The following SLC35F4 variants were observed in gnomAD, a reference collection of about 807,000 sequenced individuals.
The protein encoded by SLC35F4 is chromosome 14 open reading frame 36.
Under a neutral mutation model 44.2 loss-of-function variants are expected in SLC35F4, and 24 were observed. That is an observed-to-expected ratio of 0.54 (90% confidence interval 0.39 to 0.76). The LOEUF is 0.76. SLC35F4 is among the 30% of genes least tolerant of loss of function. The pLI, the probability that SLC35F4 is intolerant of heterozygous loss-of-function variation, is 0.00. For missense variants in SLC35F4, 562 were observed against 586.1 expected (o/e 0.96, Z 0.42); for synonymous variants, 238 against 223.6 (o/e 1.06, Z -0.57).
chr14:57,577,640 G>T (rs750260455), intron 4 of SLC35F4, among the ~76,000 whole-genome samples: 6 of 151,794 alleles, frequency 4.0e-5, no homozygotes, highest in African/African-American at 7.3e-5. Flanking sequence ...CCCAGCCAGT[G>T]GCACATTCCC....
intron 3 of SLC35F4, among the ~76,000 whole-genome samples, chr14:57,586,095 A>G (rs1458276965): frequency 6.6e-6 from 1 of 152,214 alleles, no homozygotes; most frequent in East Asian, 1.9e-4. Context: ...AGGCTACAGT[A>G]ACCAAAACAG....
Position 57,569,869 on chromosome 14 carries a change from A to G in SLC35F4, c.1045T>C (p.Tyr349His). 1 of 1,612,152 alleles carries G rather than the reference A, an allele frequency of 6.2e-7. No homozygotes were observed. Among genetic ancestry groups the G allele is most frequent in the African/African-American group, 1.3e-5 (1 of 75,036 alleles). Residue 349 changes from tyrosine (Y) to histidine (H), a missense_variant, in exon 6 of 8, where the codon TAT becomes CAT. Tyr to His is a moderately conservative substitution (Grantham distance 83, BLOSUM62 2). Coordinates refer to ENST00000556826, the MANE Select transcript of SLC35F4 (RefSeq NM_001306087.2). Reference sequence around the variant, plus strand: ...GACCAGTGCTCCACCTTGGTGAAATACAAGATGACTGGGGTGAAGGAGATG... The same window carrying G: ...GACCAGTGCTCCACCTTGGTGAAATGCAAGATGACTGGGGTGAAGGAGATG... ...IFISFTPVILYFTKVEHWSSF... is the reference protein window; with the variant it reads ...IFISFTPVILHFTKVEHWSSF...
intron 1 of SLC35F4, among the ~76,000 whole-genome samples, chr14:57,932,229 G>C (rs1889710965): frequency 6.6e-6 from 1 of 152,122 alleles, no homozygotes; most frequent in Non-Finnish European, 1.5e-5. Context: ...GCTTTCCACA[G>C]TTTTTATGAT....
chr14:57,581,649 C>A (rs778451234), intron 3 of SLC35F4, among the ~76,000 whole-genome samples: 1 of 152,274 alleles, frequency 6.6e-6, no homozygotes, highest in Non-Finnish European at 1.5e-5. Context: ...CAGAGTTAGG[C>A]TCTCTTCTCT....
At chr14:57,733,255 A>G (rs925938188) in intron 1 of SLC35F4, among the ~76,000 whole-genome samples, 56 of 152,054 alleles carry the variant, frequency 3.7e-4, no homozygotes, top group African/African-American at 1.2e-3. Flanking sequence ...TTCATAAGTC[A>G]GGACAGAAAT....
chr14:57,960,070 A>G (rs1890311385), intron 1 of SLC35F4, among the ~76,000 whole-genome samples: 1 of 152,220 alleles, frequency 6.6e-6, no homozygotes, highest in South Asian at 2.1e-4. Context: ...GAACTTCTCC[A>G]TGCCTCAGTC....
At chr14:57,965,128 C>T (rs1291390200) in intron 1 of SLC35F4, among the ~76,000 whole-genome samples, 1 of 151,894 alleles carries the variant, frequency 6.6e-6, no homozygotes, top group Non-Finnish European at 1.5e-5. Context: ...AAATTATTAT[C>T]TCACAATAAT....
At chr14:57,607,067 TA>T (rs1220496389) in intron 1 of SLC35F4, among the ~76,000 whole-genome samples, 1 of 152,164 alleles carries the variant, frequency 6.6e-6, no homozygotes, top group Non-Finnish European at 1.5e-5. Context: ...TAAAGAGTGC[TA>T]AATGCCGAGT....
chr14:57,889,931 A>G (rs1888724283), intron 1 of SLC35F4, among the ~76,000 whole-genome samples: 1 of 152,118 alleles, frequency 6.6e-6, no homozygotes, highest in African/African-American at 2.4e-5. Flanking sequence ...AGCAAAACAG[A>G]TAAGTTTTTA....
At chr14:57,641,901 T>C (rs1296786204) in intron 1 of SLC35F4, among the ~76,000 whole-genome samples, 1 of 152,038 alleles carries the variant, frequency 6.6e-6, no homozygotes, top group Non-Finnish European at 1.5e-5. Context: ...GGCTTACAAG[T>C]CTGTTTTCCT....
chr14:57,573,711 T>TA, intron 4 of SLC35F4, among the ~76,000 whole-genome samples: 1 of 152,210 alleles, frequency 6.6e-6, no homozygotes, highest in Middle Eastern at 3.4e-3. Flanking sequence ...TTCAGGGAAA[T>TA]AAAAAAGGCA....
intron 4 of SLC35F4, among the ~76,000 whole-genome samples, chr14:57,574,902 C>G (rs1344494192): frequency 6.6e-6 from 1 of 151,380 alleles, no homozygotes; most frequent in South Asian, 2.2e-4. Flanking sequence ...CTCTGTTCTT[C>G]TCAACAGAAA....
At chr14:57,580,623 T>C (rs755365461) in intron 4 of SLC35F4, 1 of 231,074 alleles carries the variant, frequency 4.3e-6, no homozygotes, top group Non-Finnish European at 8.9e-6. Context: ...AGAACTGAAG[T>C]TGTTGGTGGA....
intron 1 of SLC35F4, among the ~76,000 whole-genome samples, chr14:57,829,802 C>T (rs977761466): frequency 6.6e-6 from 1 of 151,996 alleles, no homozygotes; most frequent in Non-Finnish European, 1.5e-5. Context: ...GATAAAAATT[C>T]CAATATTTCA....
upstream of SLC35F4, among the ~76,000 whole-genome samples, chr14:57,870,528 A>G (rs1282058882): frequency 1.3e-5 from 2 of 152,356 alleles, no homozygotes; most frequent in African/African-American, 4.8e-5. Flanking sequence ...TGTGACTGGC[A>G]TATAGTAAGC....
chr14:57,922,295 C>A (rs1889458361), intron 1 of SLC35F4, among the ~76,000 whole-genome samples: 2 of 152,176 alleles, frequency 1.3e-5, no homozygotes, highest in Non-Finnish European at 2.9e-5. Context: ...TCAGCAGAAT[C>A]CATCTGAGAT....
At chr14:57,808,239 G>A (rs987782281) in intron 1 of SLC35F4, among the ~76,000 whole-genome samples, 19 of 151,742 alleles carry the variant, frequency 1.3e-4, no homozygotes, top group Admixed American at 9.8e-4. Flanking sequence ...ATAATTTTAG[G>A]ATGAGAAAAC....
intron 1 of SLC35F4, among the ~76,000 whole-genome samples, chr14:57,624,043 T>C (rs2072341843): frequency 1.3e-5 from 2 of 152,126 alleles, no homozygotes; most frequent in South Asian, 2.1e-4. Context: ...ACAAAATTGA[T>C]GGACACTGTC....
chr14:57,758,470 G>T (rs533691520), intron 1 of SLC35F4, among the ~76,000 whole-genome samples: 3 of 151,886 alleles, frequency 2.0e-5, no homozygotes, highest in Non-Finnish European at 4.4e-5. Context: ...TATTCAGTAT[G>T]TTTTTTATCC....
Sources: gnomAD v4.1 joint callset for allele counts (sites outside exome capture counted in the v4.1 genomes callset) on GRCh38, gnomAD v4.1.1 for gene constraint, MANE v1.5 for transcripts, NCBI Gene and HGNC (gene_info 2026-07-23, HGNC 2026-07-21) for gene names.